The following CELSR3 variants were observed in gnomAD, a reference collection of about 807,000 sequenced individuals.
CELSR3 encodes cadherin EGF LAG seven-pass G-type receptor 3, also known as EGF-like protein 1.
CELSR3 carries 73 observed loss-of-function variants against 270.0 expected under a neutral mutation model. The ratio of observed to expected loss-of-function variants is 0.27; its 90% CI spans 0.22 to 0.33. The LOEUF is 0.33. Among genes scored for constraint, CELSR3 ranks in the 10% least tolerant of loss-of-function variants. The probability of loss-of-function intolerance (pLI) is 1.00; values close to 1 mark genes in which losing one functional copy is unlikely to be tolerated. For missense variants in CELSR3, 3,614 were observed against 4,533.8 expected (o/e 0.80, Z 5.83); for synonymous variants, 1,780 against 1,905.4 (o/e 0.93, Z 1.71).
intron 3 of CELSR3, 52 bp downstream of exon 3, chr3:48,656,088 G>A (rs2047178483): frequency 1.5e-5 from 23 of 1,496,190 alleles, no homozygotes; most frequent in Admixed American, 3.9e-5. Flanking sequence ...CTGAGTCAGG[G>A]CGGGTAGGTG....
In CELSR3 at chr3:48,651,788, G is replaced by C. The variant is rs2047139710; in HGVS notation, c.5924-70C>G. On this transcript the variant is annotated intron_variant, in intron 12 of 34. Transcript: ENST00000164024. This position sits in a 1 kb window ranked among gnomAD's most constrained non-coding sequence, Gnocchi z 7.4. Reference sequence around the variant, plus strand: ...GGAAGGAAGCAGGCACCCGTCCCGAGTCCCTGCCTCCTTCAGGTTCCCCAG... The same window carrying C: ...GGAAGGAAGCAGGCACCCGTCCCGACTCCCTGCCTCCTTCAGGTTCCCCAG... 6 of 1,537,832 alleles carry C rather than the reference G, an allele frequency of 3.9e-6. No homozygotes were observed. The highest frequency in any genetic ancestry group is 1.4e-5 in the African/African-American group (1 of 72,378).
chr3:48,645,739 C>T lies in CELSR3; in HGVS notation c.7590+3G>A. ...TTCCTTGGGACACTGAACACAGCCC[C>T]ACCTCACGGGGAGAGGCATCCATGA... On this transcript the variant is annotated splice_donor_region_variant and intron_variant, in intron 23 of 34. Transcript: ENST00000164024. This position sits in a 1 kb window ranked among gnomAD's most constrained non-coding sequence, Gnocchi z 5.4. 1 of 1,607,488 alleles carries T rather than the reference C, an allele frequency of 6.2e-7. No individual in the cohort carries two copies. The highest frequency in any genetic ancestry group is 2.2e-5 in the East Asian group (1 of 44,648).
Position 48,640,440 on chromosome 3 carries a change from G to T in CELSR3, c.9145C>A (p.Arg3049Ser). 2 of 1,612,624 alleles carry T rather than the reference G, an allele frequency of 1.2e-6. No homozygotes were observed. Among genetic ancestry groups the T allele is most frequent in the South Asian group, 1.1e-5 (1 of 91,056 alleles). ...CCCGTGCCCCCGCCAGCATAGATGC[G>T]ACCGTAAGAGGCAGCTGGCACAGCA... The part of the protein sequence containing the change: ...HRAVPAASYG[R>S]IYAGGGTGSL... Residue 3049 changes from arginine (R) to serine (S), a missense_variant, in exon 34 of 35, where the codon CGC becomes AGC. Physicochemically the swap from Arg to Ser is moderately radical, Grantham distance 110. Around this residue, in one of 7 missense-constraint regions of CELSR3, gnomAD observed 1,240 missense variants for 1,351.7 expected, o/e 0.92. Coordinates refer to ENST00000164024, the MANE Select transcript of CELSR3 (RefSeq NM_001407.3). The surrounding 1 kb of genome is among the most constrained non-coding windows in gnomAD (Gnocchi z 7.5).
In CELSR3 at chr3:48,645,284, C is replaced by T; in HGVS notation, c.7798-75G>A. On this transcript the variant is annotated intron_variant, in intron 24 of 34. Transcript: ENST00000164024. This position sits in a 1 kb window ranked among gnomAD's most constrained non-coding sequence, Gnocchi z 5.4. ...ACCCCTACCCCAGGCATCTGCTTCC[C>T]ACCTCTCACCCCTAAACCACAATAT... 6.5e-7 allele frequency: 1 copy of T among 1,533,102 alleles called. No individual in the cohort carries two copies. Among genetic ancestry groups the T allele is most frequent in the South Asian group, 1.2e-5 (1 of 81,694 alleles). The allele number at this position is 1,533,102 out of a possible 1,614,324, so 95.0% of individuals were successfully genotyped here. A position where few individuals can be genotyped will look rare whatever the true frequency, so the allele number is the denominator to read the frequency against.
Position 48,661,220 on chromosome 3 carries a change from A to C in CELSR3, c.1415T>G (p.Phe472Cys), listed in dbSNP as rs756838436. 1 of 1,603,972 alleles carries C rather than the reference A, an allele frequency of 6.2e-7. No homozygotes were observed. The highest frequency in any genetic ancestry group is 8.5e-7 in the Non-Finnish European group (1 of 1,174,606). The change falls in exon 1 of 35, where the codon TTC becomes TGC. Residue 472 changes from phenylalanine to cysteine, a missense_variant. Coordinates refer to ENST00000164024, the MANE Select transcript of CELSR3 (RefSeq NM_001407.3). The stretch of plus-strand genomic sequence containing the variant: ...AGCGCGCGCAGCTGGCGGCCCCACG[A>C]AGCGGTAGCGCAGGTTGGCGTTGGG... ...APPNANLRYR[F>C]VGPPAARAAA...
Position 48,650,656 on chromosome 3 carries a change from C to T in CELSR3, c.6371-75G>A. 1 of 1,253,150 alleles carries T rather than the reference C, an allele frequency of 8.0e-7. No homozygotes were observed. The highest frequency in any genetic ancestry group is 1.1e-6 in the Non-Finnish European group (1 of 902,168). The allele number at this position is 1,253,150 out of a possible 1,614,324, so 77.6% of individuals were successfully genotyped here. A position where few individuals can be genotyped will look rare whatever the true frequency, so the allele number is the denominator to read the frequency against. On this transcript the variant is annotated intron_variant, in intron 15 of 34. Coordinates refer to ENST00000164024, the MANE Select transcript of CELSR3 (RefSeq NM_001407.3). The surrounding 1 kb of genome is among the most constrained non-coding windows in gnomAD (Gnocchi z 5.1). ...GACAGCCACACCCACTGCCCCTCCA[C>T]CACCCCCCACAAGGCCCACTGCCCG...
chr3:48,649,969 C>T (rs1341824512), intron 16 of CELSR3, among the ~76,000 whole-genome samples: 1 of 151,100 alleles, frequency 6.6e-6, no homozygotes, highest in East Asian at 2.0e-4. Context: ...CCCCAAGCAG[C>T]AGGAAGGAGC....
Position 48,639,107 on chromosome 3 carries a change from C to T in CELSR3, c.9911+567G>A, listed in dbSNP as rs1469760598. Reference sequence around the variant, plus strand: ...TTCCCCACAGATGCTTCACACATACCCGAGATGAACCAGGTTCCAACTCAG... The same window carrying T: ...TTCCCCACAGATGCTTCACACATACTCGAGATGAACCAGGTTCCAACTCAG... On this transcript the variant is annotated intron_variant, in intron 34 of 34. Coordinates refer to ENST00000164024, the MANE Select transcript of CELSR3 (RefSeq NM_001407.3). The surrounding 1 kb of genome is among the most constrained non-coding windows in gnomAD (Gnocchi z 4.1). Among the ~76,000 whole-genome samples the T allele has an allele frequency of 6.6e-6, 1 of 152,124 alleles. No individual in the cohort carries two copies. Among genetic ancestry groups the T allele is most frequent in the Admixed American group, 6.6e-5 (1 of 15,266 alleles).
At position 48,655,452 on chromosome 3, in the gene CELSR3, G is replaced by A. The variant is rs564314138; in HGVS notation, c.4742-58C>T. 1.7e-4 allele frequency: 260 copies of A among 1,555,302 alleles called. 2 individuals are homozygous for A. The South Asian group carries it at 2.6e-3, about 15-fold the overall frequency. On this transcript the variant is annotated intron_variant, in intron 4 of 34. Coordinates refer to ENST00000164024, the MANE Select transcript of CELSR3 (RefSeq NM_001407.3). The surrounding 1 kb of genome is among the most constrained non-coding windows in gnomAD (Gnocchi z 5.8). ...GCAGCGGAGTCGCCCCATCCCACCC[G>A]TCATATAAGCACAACCATTCCCAGG...
At position 48,658,012 on chromosome 3, in the gene CELSR3, C is replaced by G. The variant is rs1432199790; in HGVS notation, c.3749-664G>C. On this transcript the variant is annotated intron_variant, in intron 1 of 34. Coordinates refer to ENST00000164024, the MANE Select transcript of CELSR3 (RefSeq NM_001407.3). The surrounding 1 kb of genome is among the most constrained non-coding windows in gnomAD (Gnocchi z 4.7). ...CACACCAGCATTCTTGAGTTAGCAG[C>G]CTGCTCGCCACTCCAGACCTGGGTC... Among the ~76,000 whole-genome samples the G allele has an allele frequency of 6.6e-6, 1 of 152,104 alleles. No individual in the cohort carries two copies. The highest frequency in any genetic ancestry group is 2.4e-5 in the African/African-American group (1 of 41,394).
rs764283560 is a variant in CELSR3, at chr3:48,640,038, C to A, written c.9547G>T (p.Asp3183Tyr). The change falls in exon 34 of 35, where the codon GAC becomes TAC. Residue 3183 changes from aspartate to tyrosine, a missense_variant. Physicochemically the swap from Asp to Tyr is radical, Grantham distance 160 (BLOSUM62 -3). Transcript: ENST00000164024. The surrounding 1 kb of genome is among the most constrained non-coding windows in gnomAD (Gnocchi z 7.5). Reference protein sequence around the residue: ...PLSPQRQLSRDPLLPSRPLDS... With the variant: ...PLSPQRQLSRYPLLPSRPLDS... Reference sequence around the variant, plus strand: ...AGCGGCCGGGATGGCAAGAGGGGGTCCCTTGAGAGTTGCCGCTGGGGAGAC... The same window carrying A: ...AGCGGCCGGGATGGCAAGAGGGGGTACCTTGAGAGTTGCCGCTGGGGAGAC... 1.6e-5 allele frequency: 25 copies of A among 1,611,064 alleles called. No homozygotes were observed. The highest frequency in any genetic ancestry group is 2.0e-5 in the Non-Finnish European group (24 of 1,179,760).
In CELSR3 at chr3:48,656,745, G is replaced by A. The variant is rs749757997; in HGVS notation, c.4352C>T (p.Ala1451Val). 2 of 1,533,026 alleles carry A rather than the reference G, an allele frequency of 1.3e-6. No homozygotes were observed. Among genetic ancestry groups the A allele is most frequent in the Admixed American group, 4.0e-5 (2 of 49,892 alleles). 95.0% of individuals were successfully genotyped at this position (1,533,026 alleles called of 1,614,324 possible). ...GCACGTGTAGCCTCCCTCGCGCCGC[G>A]CGCAGGCTCCGCCGTTGCGACATGG... ...SNPCRNGGAC[A>V]RREGGYTCVC... is the part of the protein sequence containing the mutation. The change falls in exon 2 of 35, where the codon GCG becomes GTG. Residue 1451 changes from alanine (A) to valine (V), a missense_variant. Ala to Val is a moderately conservative substitution (Grantham distance 64, BLOSUM62 0). This residue lies in a region of CELSR3 where 1,331 missense variants were observed against 1,933.7 expected (regional missense o/e 0.69). Transcript: ENST00000164024.
In CELSR3 at chr3:48,655,237, A is replaced by G; in HGVS notation, c.4831-36T>C. ...AGGCACACCAGTCAACAGTGCCCCC[A>G]GTAACCCCTGAGGAGCAGAAGTCAG... On this transcript the variant is annotated intron_variant, in intron 5 of 34. Transcript: ENST00000164024. The surrounding 1 kb of genome is among the most constrained non-coding windows in gnomAD (Gnocchi z 5.8). The G allele has an allele frequency of 6.2e-7, 1 of 1,613,994 alleles. No individual in the cohort carries two copies. Among genetic ancestry groups the G allele is most frequent in the Non-Finnish European group, 8.5e-7 (1 of 1,179,922 alleles).
rs1009706580 is a variant in CELSR3 at position 48,650,505 on chromosome 3, T to A, written c.6447A>T (p.Thr2149=). The A allele has an allele frequency of 6.6e-7, 1 of 1,519,710 alleles. No homozygotes were observed. The highest frequency in any genetic ancestry group is 1.8e-5 in the Admixed American group (1 of 55,036). 94.1% of individuals were successfully genotyped at this position (1,519,710 alleles called of 1,614,324 possible). A position where few individuals can be genotyped will look rare whatever the true frequency, so the allele number is the denominator to read the frequency against. ...WPQTKFGVLA[T]VPCPRGALGA... Reference sequence around the variant, plus strand: ...CCAGGGCCCCCCGGGGACAGGGCACTGTGGCCAGGACGCCAAACTTTGTCT... The same window carrying A: ...CCAGGGCCCCCCGGGGACAGGGCACAGTGGCCAGGACGCCAAACTTTGTCT... Residue 2149 remains threonine, a synonymous_variant, in exon 16 of 35, where the codon ACA becomes ACT. Transcript: ENST00000164024. This position sits in a 1 kb window ranked among gnomAD's most constrained non-coding sequence, Gnocchi z 5.1.
Position 48,653,769 on chromosome 3 carries a change from A to G in CELSR3, c.5298T>C (p.His1766=). Residue 1766 remains histidine (H), a synonymous_variant, in exon 9 of 35, where the codon CAT becomes CAC. Coordinates refer to ENST00000164024, the MANE Select transcript of CELSR3 (RefSeq NM_001407.3). The surrounding 1 kb of genome is among the most constrained non-coding windows in gnomAD (Gnocchi z 6.5). ...DCQLTMAHPH[H]FRGNGTLSWN... Reference sequence around the variant, plus strand: ...AGCTCAGTGTGCCGTTGCCACGGAAATGGTGGGGATGGGCCATAGCTGAGT... The same window carrying G: ...AGCTCAGTGTGCCGTTGCCACGGAAGTGGTGGGGATGGGCCATAGCTGAGT... 1.2e-6 allele frequency: 2 copies of G among 1,614,174 alleles called. No individual in the cohort carries two copies. Among genetic ancestry groups the G allele is most frequent in the Non-Finnish European group, 1.7e-6 (2 of 1,180,028 alleles).
Position 48,648,708 on chromosome 3 carries a change from C to T in CELSR3, c.6777+11G>A, listed in dbSNP as rs2047110664. 1 of 1,607,356 alleles carries T rather than the reference C, an allele frequency of 6.2e-7. No individual in the cohort carries two copies. The highest frequency in any genetic ancestry group is 1.7e-5 in the Admixed American group (1 of 59,930). ...GGGCCAAGGCACTGAGAACATAGGG[C>T]ACAGCCCCACCTCATTGAAGTGGGC... On this transcript the variant is annotated intron_variant, in intron 18 of 34. Transcript: ENST00000164024.
rs1004041075 is a variant in CELSR3 at position 48,652,313 on chromosome 3, C to T, written c.5751+124G>A. 3.5e-6 allele frequency: 3 copies of T among 857,722 alleles called. No individual in the cohort carries two copies. The African/African-American group carries it at 5.0e-5, about 14-fold the overall frequency. The allele number at this position is 857,722 out of a possible 1,614,324, so 53.1% of individuals were successfully genotyped here. A position where few individuals can be genotyped will look rare whatever the true frequency, so the allele number is the denominator to read the frequency against. ...CAGAAAGGCTTGACCTAGCTCTCAA[C>T]TCTGGGTCATTCACCCCCTCGCACC... is the stretch of plus-strand genomic sequence containing the variant. On this transcript the variant is annotated intron_variant, in intron 11 of 34. Transcript: ENST00000164024. This position sits in a 1 kb window ranked among gnomAD's most constrained non-coding sequence, Gnocchi z 4.3.
Position 48,646,689 on chromosome 3 carries a change from G to T in CELSR3, c.7295+74C>A. On this transcript the variant is annotated intron_variant, in intron 21 of 34. Transcript: ENST00000164024. This position sits in a 1 kb window ranked among gnomAD's most constrained non-coding sequence, Gnocchi z 4.8. Reference sequence around the variant, plus strand: ...TCCTCTCTGTGTGTTGTGAACCTACGCATCTACCCACCAAAAAAGGGGCTG... The same window carrying T: ...TCCTCTCTGTGTGTTGTGAACCTACTCATCTACCCACCAAAAAAGGGGCTG... 6.9e-7 allele frequency: 1 copy of T among 1,440,526 alleles called. No homozygotes were observed. Among genetic ancestry groups the T allele is most frequent in the Non-Finnish European group, 9.5e-7 (1 of 1,055,540 alleles). The allele number at this position is 1,440,526 out of a possible 1,614,324, so 89.2% of individuals were successfully genotyped here. A position where few individuals can be genotyped will look rare whatever the true frequency, so the allele number is the denominator to read the frequency against.
chr3:48,662,083 C>T lies in CELSR3; in HGVS notation c.552G>A (p.Pro184=), dbSNP rs1456151162. 1.2e-6 allele frequency: 2 copies of T among 1,613,920 alleles called. No homozygotes were observed. Among genetic ancestry groups the T allele is most frequent in the African/African-American group, 2.7e-5 (2 of 74,938 alleles). The part of the protein sequence containing the change: ...DFLIRHHGPK[P]VSSQRNAGTG... ...TCCCAGCGTTCCGCTGGGAGGACAC[C>T]GGCTTGGGACCGTGGTGCCGAATCA... is the stretch of plus-strand genomic sequence containing the variant. The change falls in exon 1 of 35, where the codon CCG becomes CCA. Residue 184 remains proline, a synonymous_variant. Transcript: ENST00000164024. The surrounding 1 kb of genome is among the most constrained non-coding windows in gnomAD (Gnocchi z 7.1).
Sources: gnomAD v4.1 joint callset for allele counts (sites outside exome capture counted in the v4.1 genomes callset) on GRCh38, gnomAD v4.1.1 for gene constraint, gnomAD v4.1.1 regional missense constraint, Gnocchi (gnomAD v3.1) non-coding constraint, MANE v1.5 for transcripts, NCBI Gene and HGNC (gene_info 2026-07-23, HGNC 2026-07-21) for gene names.